SUPT3H: variants seen among roughly 807,000 people sequenced by gnomAD.
SUPT3H encodes the protein SPT3 homolog, SAGA and STAGA complex component.
A neutral mutation model predicts 44.3 loss-of-function variants in SUPT3H; 44 were observed. That is an observed-to-expected ratio of 0.99 (90% CI 0.78 to 1.28). The LOEUF (loss-of-function observed/expected upper bound fraction) is 1.28. Ranked by LOEUF, SUPT3H falls within the 50% of genes most tolerant of loss-of-function variation. SUPT3H has a pLI of 0.00. For synonymous variants in SUPT3H, 124 were observed against 125.6 expected (o/e 0.99, Z 0.09); for missense variants, 380 against 387.1 (o/e 0.98, Z 0.15).
chr6:44,936,796 T>C (rs1165955017), intron 9 of SUPT3H, among the ~76,000 whole-genome samples: 1 of 152,126 alleles, frequency 6.6e-6, no homozygotes, highest in Non-Finnish European at 1.5e-5. Context: ...GCCACCCAAA[T>C]AGCTGGGACT....
At chr6:45,305,358 A>G (rs1257887252) in intron 2 of SUPT3H, among the ~76,000 whole-genome samples, 1 of 152,200 alleles carries the variant, frequency 6.6e-6, no homozygotes, top group African/African-American at 2.4e-5. Flanking sequence ...GTGTTATTAC[A>G]CATATAAAAT....
intron 2 of SUPT3H, among the ~76,000 whole-genome samples, chr6:45,327,027 T>A (rs1352211769): frequency 6.6e-6 from 1 of 151,918 alleles, no homozygotes; most frequent in African/African-American, 2.4e-5. Context: ...TCCCAACTGA[T>A]GAAAACAGGA....
chr6:45,231,029 G>T (rs761591130), intron 2 of SUPT3H, among the ~76,000 whole-genome samples: 4 of 152,132 alleles, frequency 2.6e-5, no homozygotes, highest in Non-Finnish European at 5.9e-5. Context: ...GATATGAAAG[G>T]TTTTTCCCCG....
Position 45,141,435 on chromosome 6 carries a change from T to TA in SUPT3H, c.102-35430dup, listed in dbSNP as rs1241534722. Among the ~76,000 whole-genome samples, 17 of 136,062 alleles carry TA rather than the reference T, an allele frequency of 1.2e-4. No homozygotes were observed. In the South Asian group the frequency reaches 2.5e-3, roughly 20 times the overall value. 89.3% of individuals were successfully genotyped at this position (136,062 alleles called of 152,430 possible). A position where few individuals can be genotyped will look rare whatever the true frequency, so the allele number is the denominator to read the frequency against. On this transcript the variant is annotated intron_variant, in intron 2 of 10. Transcript: ENST00000371459. The stretch of plus-strand genomic sequence containing the variant: ...AAAGAAAGGTGAAAAGCAACTTAAA[T>TA]AAGTTTTTTTTAAAAGTACAGCATA...
At chr6:45,043,027 A>G (rs574577218) in intron 3 of SUPT3H, among the ~76,000 whole-genome samples, 222 of 152,232 alleles carry the variant, frequency 1.5e-3, no homozygotes, top group African/African-American at 5.1e-3. Flanking sequence ...CCCTTACTAA[A>G]TATTTAAAGC....
At chr6:45,083,404 CTGG>C (rs1264869761) in intron 3 of SUPT3H, among the ~76,000 whole-genome samples, 1 of 151,796 alleles carries the variant, frequency 6.6e-6, no homozygotes, top group East Asian at 1.9e-4. Flanking sequence ...GTTGGCCAGG[CTGG>C]TCTTGAACTC....
chr6:44,891,435 T>C (rs2153441879), intron 10 of SUPT3H, among the ~76,000 whole-genome samples: 1 of 152,162 alleles, frequency 6.6e-6, no homozygotes, highest in South Asian at 2.1e-4. Flanking sequence ...GGAACAAAAT[T>C]CTGATACACA....
At chr6:45,241,337 G>A (rs1001707345) in intron 2 of SUPT3H, among the ~76,000 whole-genome samples, 1 of 152,108 alleles carries the variant, frequency 6.6e-6, no homozygotes, top group Admixed American at 6.6e-5. Flanking sequence ...ATGAGGGCAA[G>A]GAATACCTGG....
At chr6:44,816,908 A>C (rs566995750) in intron 11 of SUPT3H, among the ~76,000 whole-genome samples, 43 of 151,556 alleles carry the variant, frequency 2.8e-4, no homozygotes, top group African/African-American at 7.8e-4. Context: ...ACAACAACAA[A>C]AAAAATGCCA....
chr6:44,833,634 T>C (rs1213408317), intron 10 of SUPT3H, among the ~76,000 whole-genome samples: 1 of 152,162 alleles, frequency 6.6e-6, no homozygotes, highest in East Asian at 1.9e-4. Context: ...TACATGGTTT[T>C]ATGGTTTATG....
rs555164195 is a variant in SUPT3H at position 44,903,509 on chromosome 6, T to C, written c.912+29144A>G. ...GAATTTGAATCTCTGAATAGACCAA[T>C]AACAGGCTCTGAAATTGAGGCAATA... On this transcript the variant is annotated intron_variant, in intron 10 of 10. Coordinates refer to ENST00000371459, the MANE Select transcript of SUPT3H (RefSeq NM_003599.4). Among the ~76,000 whole-genome samples the C allele has an allele frequency of 5.3e-5, 8 of 152,192 alleles. No individual in the cohort carries two copies. The East Asian group carries it at 1.5e-3, about 29-fold the overall frequency.
intron 2 of SUPT3H, among the ~76,000 whole-genome samples, chr6:45,310,156 C>T (rs891491457): frequency 3.9e-5 from 6 of 152,150 alleles, no homozygotes; most frequent in East Asian, 1.9e-4. Flanking sequence ...CTGTGATTGC[C>T]GCTTTTCCTC....
At chr6:45,168,517 G>A (rs1359233196) in intron 2 of SUPT3H, among the ~76,000 whole-genome samples, 1 of 152,130 alleles carries the variant, frequency 6.6e-6, no homozygotes, top group Admixed American at 6.5e-5. Flanking sequence ...TATGTCACAG[G>A]TACATCCTTA....
intron 2 of SUPT3H, among the ~76,000 whole-genome samples, chr6:45,106,975 T>C (rs1347128436): frequency 1.3e-5 from 2 of 152,236 alleles, no homozygotes; most frequent in Non-Finnish European, 2.9e-5. Flanking sequence ...TATAAAAGTG[T>C]ATGATGTAAT....
intron 11 of SUPT3H, chr6:44,809,602 C>G (rs1766375584): frequency 6.6e-6 from 1 of 152,176 alleles, no homozygotes; most frequent in African/African-American, 2.4e-5. Context: ...AAAGGCATTA[C>G]AAATAACACA....
chr6:45,132,338 C>T (rs913685160), intron 2 of SUPT3H, among the ~76,000 whole-genome samples: 1 of 152,136 alleles, frequency 6.6e-6, no homozygotes, highest in Non-Finnish European at 1.5e-5. Flanking sequence ...ACTTCTAAGA[C>T]CTTTTACAGT....
At chr6:45,220,635 CTG>C (rs1272678291) in intron 2 of SUPT3H, among the ~76,000 whole-genome samples, 1 of 152,184 alleles carries the variant, frequency 6.6e-6, no homozygotes, top group Non-Finnish European at 1.5e-5. Context: ...CAAAATATAA[CTG>C]TTCCTACTTG....
chr6:44,889,027 GA>G (rs1762820658), intron 10 of SUPT3H, among the ~76,000 whole-genome samples: 2 of 148,276 alleles, frequency 1.3e-5, no homozygotes, highest in Non-Finnish European at 1.5e-5. Context: ...TTGCTTCAAA[GA>G]GAATAAAATA....
chr6:45,230,322 G>C (rs749006831), intron 2 of SUPT3H, among the ~76,000 whole-genome samples: 2 of 151,772 alleles, frequency 1.3e-5, no homozygotes, highest in Non-Finnish European at 2.9e-5. Context: ...GGTGAGAGTG[G>C]GATGTTCAGG....
Sources: gnomAD v4.1 joint callset for allele counts (sites outside exome capture counted in the v4.1 genomes callset) on GRCh38, gnomAD v4.1.1 for gene constraint, MANE v1.5 for transcripts, NCBI Gene and HGNC (gene_info 2026-07-23, HGNC 2026-07-21) for gene names.